The following RIT2 variants were observed in gnomAD, a reference collection of about 807,000 sequenced individuals.
RIT2 encodes Ras like without CAAX 2, also known as GTP-binding protein Rit2.
A neutral mutation model predicts 23.7 loss-of-function variants in RIT2; 24 were observed. That is an observed-to-expected ratio of 1.01 (90% CI 0.73 to 1.43). The LOEUF is 1.43. Ranked by LOEUF, RIT2 falls within the 40% of genes most tolerant of loss-of-function variation. The pLI is 0.00. For synonymous variants in RIT2, 107 were observed against 91.1 expected, an observed-to-expected ratio of 1.17 and a Z score of -0.99; for missense variants, 236 against 266.9, an observed-to-expected ratio of 0.88 and a Z score of 0.81.
At chr18:42,812,049 T>C (rs576677177) in intron 4 of RIT2, among the ~76,000 whole-genome samples, 302 of 152,226 alleles carry the variant, frequency 2.0e-3, no homozygotes, top group African/African-American at 6.7e-3. Flanking sequence ...GCAAGATGTA[T>C]GGTAAGTGAG....
chr18:42,854,148 C>T (rs543308801), intron 4 of RIT2, among the ~76,000 whole-genome samples: 3 of 152,214 alleles, frequency 2.0e-5, no homozygotes, highest in Admixed American at 6.5e-5. Context: ...CCATGTCTTA[C>T]GCTACTTTGG....
intron 1 of RIT2, among the ~76,000 whole-genome samples, chr18:43,090,225 C>A (rs190148127): frequency 1.3e-5 from 2 of 152,092 alleles, no homozygotes; most frequent in African/African-American, 4.8e-5. Context: ...TGAACAGACA[C>A]TTTTCAAAAG....
chr18:42,938,148 G>A (rs1257439897), intron 3 of RIT2, among the ~76,000 whole-genome samples: 2 of 152,192 alleles, frequency 1.3e-5, no homozygotes, highest in Non-Finnish European at 2.9e-5. Context: ...TGATTCAACA[G>A]ATGTTTAAAA....
intron 4 of RIT2, among the ~76,000 whole-genome samples, chr18:42,918,045 C>G (rs537423404): frequency 6.6e-5 from 10 of 152,178 alleles, no homozygotes; most frequent in Admixed American, 3.9e-4. Context: ...TTCCTAGTAC[C>G]ATTTTTGCAT....
chr18:43,061,975 T>C (rs1055398744), intron 1 of RIT2, among the ~76,000 whole-genome samples: 3 of 151,748 alleles, frequency 2.0e-5, no homozygotes, highest in East Asian at 3.9e-4. Context: ...CACCAACCAA[T>C]AGGAGAGAAG....
At chr18:42,827,023 T>G (rs1326180977) in intron 4 of RIT2, among the ~76,000 whole-genome samples, 1 of 152,148 alleles carries the variant, frequency 6.6e-6, no homozygotes, top group African/African-American at 2.4e-5. Context: ...TAAATTCATA[T>G]GGAAAAGTCC....
intron 4 of RIT2, among the ~76,000 whole-genome samples, chr18:42,780,825 T>C (rs1172047386): frequency 6.6e-6 from 1 of 151,932 alleles, no homozygotes; most frequent in African/African-American, 2.4e-5. Flanking sequence ...TCAGGCTTTT[T>C]TTTTTTTTTT....
chr18:42,934,132 A>G (rs1909397600), intron 3 of RIT2, among the ~76,000 whole-genome samples: 2 of 152,022 alleles, frequency 1.3e-5, no homozygotes, highest in Non-Finnish European at 2.9e-5. Context: ...TCTGCCTTGC[A>G]TCCTGCATAC....
intron 1 of RIT2, among the ~76,000 whole-genome samples, chr18:43,113,849 T>G (rs540334350): frequency 6.6e-6 from 1 of 152,312 alleles, no homozygotes; most frequent in African/African-American, 2.4e-5. Context: ...CACAAGCTGC[T>G]GGTGGCATTT....
intron 4 of RIT2, among the ~76,000 whole-genome samples, chr18:42,753,464 C>A (rs575135918): frequency 6.6e-6 from 1 of 152,248 alleles, no homozygotes; most frequent in Non-Finnish European, 1.5e-5. Flanking sequence ...CCAACAGAAG[C>A]TTTGCAAGCA....
At chr18:42,769,886 T>C (rs1913509739) in intron 4 of RIT2, among the ~76,000 whole-genome samples, 1 of 124,754 alleles carries the variant, frequency 8.0e-6, no homozygotes, top group Non-Finnish European at 1.8e-5. Flanking sequence ...AATAAAGATA[T>C]ACCACCATGC....
intron 4 of RIT2, among the ~76,000 whole-genome samples, chr18:42,873,149 G>C (rs1304433864): frequency 6.6e-6 from 1 of 152,108 alleles, no homozygotes; most frequent in Non-Finnish European, 1.5e-5. Context: ...GGGAATTCAA[G>C]ATGCTGTTTA....
At chr18:42,746,541 CATT>C (rs1218133133) in intron 4 of RIT2, among the ~76,000 whole-genome samples, 2 of 152,010 alleles carry the variant, frequency 1.3e-5, no homozygotes, top group Non-Finnish European at 2.9e-5. Flanking sequence ...TAAAGGAAGA[CATT>C]ATACTAATTA....
At chr18:43,025,221 C>CAAAAAA (rs1207895767) in intron 2 of RIT2, among the ~76,000 whole-genome samples, 1 of 121,924 alleles carries the variant, frequency 8.2e-6, no homozygotes, top group Non-Finnish European at 1.8e-5. Flanking sequence ...AAAAACAAAA[C>CAAAAAA]AAAACAAAAA....
intron 4 of RIT2, among the ~76,000 whole-genome samples, chr18:42,867,046 T>C (rs577117169): frequency 6.6e-6 from 1 of 152,310 alleles, no homozygotes; most frequent in Non-Finnish European, 1.5e-5. Context: ...ATGTGTTCAA[T>C]GTGAACTATT....
At chr18:43,088,188 A>G (rs1913331072) in intron 1 of RIT2, among the ~76,000 whole-genome samples, 1 of 152,184 alleles carries the variant, frequency 6.6e-6, no homozygotes, top group South Asian at 2.1e-4. Flanking sequence ...AGAATAAAAA[A>G]CTTTGAAGAC....
At chr18:42,796,684 G>A (rs74800112) in intron 4 of RIT2, among the ~76,000 whole-genome samples, 1,794 of 152,276 alleles carry the variant, frequency 0.012, 26 homozygotes, top group East Asian at 0.068. Context: ...ATTTGGAATT[G>A]AGCCCACTTC....
intron 4 of RIT2, among the ~76,000 whole-genome samples, chr18:42,838,370 GA>G (rs1450366053): frequency 5.5e-4 from 84 of 152,088 alleles, no homozygotes; most frequent in African/African-American, 1.9e-3. Flanking sequence ...TGATGGACTG[GA>G]ATCCTGATGG....
At chr18:43,054,756 T>C (rs1912459806) in intron 1 of RIT2, among the ~76,000 whole-genome samples, 1 of 152,096 alleles carries the variant, frequency 6.6e-6, no homozygotes, top group African/African-American at 2.4e-5. Context: ...ACTCTCATTG[T>C]AAATTGGCCA....
Sources: gnomAD v4.1 joint callset for allele counts (sites outside exome capture counted in the v4.1 genomes callset) on GRCh38, gnomAD v4.1.1 for gene constraint, MANE v1.5 for transcripts, NCBI Gene and HGNC (gene_info 2026-07-23, HGNC 2026-07-21) for gene names.